Variants in DHX35 observed in about 807,000 individuals in gnomAD.
The protein encoded by DHX35 is DEAH-box helicase 35, also known as probable ATP-dependent RNA helicase DHX35.
In DHX35, 84 loss-of-function variants were observed where a neutral mutation model predicts 99.6. That is an observed-to-expected ratio of 0.84 (90% confidence interval 0.71 to 1.01). The LOEUF is 1.01. DHX35 is among the 50% of genes least tolerant of loss of function. DHX35 has a pLI of 0.00. For missense variants in DHX35, 852 were observed against 888.5 expected, an observed-to-expected ratio of 0.96 and a Z score of 0.52; for synonymous variants, 331 against 316.2, an observed-to-expected ratio of 1.05 and a Z score of -0.50.
intron 4 of DHX35, among the ~76,000 whole-genome samples, chr20:38,987,919 A>G (rs918315912): frequency 6.6e-6 from 1 of 152,164 alleles, no homozygotes; most frequent in African/African-American, 2.4e-5. Flanking sequence ...TGTTTCAGGT[A>G]TCTCATTCTT....
chr20:38,992,426 G>A lies in DHX35; in HGVS notation c.582+1G>A. On this transcript the variant is annotated splice_donor_variant, in intron 7 of 21. Coordinates refer to ENST00000252011, the MANE Select transcript of DHX35 (RefSeq NM_021931.4). LOFTEE classifies it high-confidence loss of function. ...CATTGCCATTGGCTTGCTAAAAAAG[G>A]TATGACTTCACTGCCAGCTTTTCAT... 1 of 1,613,902 alleles carries A rather than the reference G, an allele frequency of 6.2e-7. No homozygotes were observed. The highest frequency in any genetic ancestry group is 1.7e-5 in the Admixed American group (1 of 60,002).
chr20:39,034,379 G>A, intron 21 of DHX35, 62 bp downstream of exon 21: 1 of 1,425,726 alleles, frequency 7.0e-7, no homozygotes, highest in Non-Finnish European at 9.9e-7. Context: ...GTTTTTAAAT[G>A]TACTTTTTTT....
At chr20:39,001,436 A>G (rs1270503908) in intron 8 of DHX35, among the ~76,000 whole-genome samples, 2 of 152,216 alleles carry the variant, frequency 1.3e-5, no homozygotes, top group Non-Finnish European at 2.9e-5. Context: ...TATAAATAAT[A>G]CTAAAGCTAC....
chr20:38,963,183 T>A (rs2085861217), intron 1 of DHX35, among the ~76,000 whole-genome samples: 1 of 152,254 alleles, frequency 6.6e-6, no homozygotes, highest in East Asian at 1.9e-4. Context: ...AATGTGCATA[T>A]GCCAGACCGT....
chr20:38,997,155 C>G (rs576991456), intron 8 of DHX35, among the ~76,000 whole-genome samples: 1 of 152,214 alleles, frequency 6.6e-6, no homozygotes, highest in East Asian at 1.9e-4. Context: ...ACTGCAACCT[C>G]TGCTTCCCAG....
At chr20:38,986,038 A>C (rs1455864934) in intron 4 of DHX35, among the ~76,000 whole-genome samples, 1 of 152,230 alleles carries the variant, frequency 6.6e-6, no homozygotes, top group Admixed American at 6.5e-5. Context: ...CCTGTGATTC[A>C]GAATAAGCTC....
chr20:38,997,024 T>C (rs2086440453), intron 8 of DHX35, among the ~76,000 whole-genome samples: 1 of 152,046 alleles, frequency 6.6e-6, no homozygotes, highest in African/African-American at 2.4e-5. Context: ...AACTATAATG[T>C]CCAAGTCTTT....
intron 2 of DHX35, among the ~76,000 whole-genome samples, chr20:38,970,284 T>C (rs1201436381): frequency 1.3e-5 from 2 of 152,172 alleles, no homozygotes; most frequent in African/African-American, 4.8e-5. Context: ...CTTCTATTAA[T>C]GTGTTCTTTC....
Position 38,969,129 on chromosome 20 carries a change from C to T in DHX35, c.89C>T (p.Ala30Val). Reference sequence around the variant, plus strand: ...ATCTCTGAAGAGAGACAAAGTCTGGCTGAAAACTCTGGGACAACGGTTGTT... The same window carrying T: ...ATCTCTGAAGAGAGACAAAGTCTGGTTGAAAACTCTGGGACAACGGTTGTT... Reference protein sequence around the residue: ...VSISEERQSLAENSGTTVVYN... With the variant: ...VSISEERQSLVENSGTTVVYN... Residue 30 changes from alanine (A) to valine (V), a missense_variant, in exon 2 of 22, where the codon GCT (alanine) becomes GTT (valine). Coordinates refer to ENST00000252011, the MANE Select transcript of DHX35 (RefSeq NM_021931.4). The T allele has an allele frequency of 6.2e-7, 1 of 1,613,734 alleles. No homozygotes were observed. Among genetic ancestry groups the T allele is most frequent in the Non-Finnish European group, 8.5e-7 (1 of 1,179,726 alleles).
chr20:39,023,061 T>C (rs1008639871), intron 16 of DHX35, among the ~76,000 whole-genome samples: 1 of 152,244 alleles, frequency 6.6e-6, no homozygotes, highest in Non-Finnish European at 1.5e-5. Flanking sequence ...TGCTTATGTC[T>C]GTTTTTGTTT....
intron 14 of DHX35, 85 bp from the exon 15 acceptor site, chr20:39,018,719 C>T (rs2086825651): frequency 7.6e-7 from 1 of 1,308,140 alleles, no homozygotes; most frequent in Non-Finnish European, 1.1e-6. Flanking sequence ...TTTTAGCATA[C>T]ATTATCTTTT....
chr20:38,973,458 G>T (rs2086031693), intron 3 of DHX35, among the ~76,000 whole-genome samples: 1 of 152,142 alleles, frequency 6.6e-6, no homozygotes, highest in African/African-American at 2.4e-5. Flanking sequence ...CTTCTTCTGT[G>T]TTCTGTTCTC....
chr20:39,030,815 C>A, intron 20 of DHX35, 40 bp downstream of exon 20: 1 of 1,598,488 alleles, frequency 6.3e-7, no homozygotes, highest in South Asian at 1.1e-5. Context: ...CTGCTTTGAA[C>A]AGGGCCATGT....
intron 8 of DHX35, among the ~76,000 whole-genome samples, chr20:39,000,461 T>G (rs548527499): frequency 9.2e-5 from 14 of 152,312 alleles, no homozygotes; most frequent in African/African-American, 3.4e-4. Flanking sequence ...TGAAGGGAAT[T>G]TACCCAAAAG....
intron 20 of DHX35, among the ~76,000 whole-genome samples, chr20:39,031,793 G>A (rs564254009): frequency 9.2e-5 from 14 of 152,162 alleles, no homozygotes; most frequent in African/African-American, 2.9e-4. Context: ...TTCTGAACCT[G>A]GAAACAAGAG....
intron 2 of DHX35, among the ~76,000 whole-genome samples, chr20:38,972,175 A>G (rs139693948): frequency 0.012 from 1,805 of 151,876 alleles, 26 homozygotes; most frequent in Middle Eastern, 0.027. Flanking sequence ...GCGCCCAGCT[A>G]ATTTTTGTAT....
chr20:38,974,737 T>G (rs1001506526), intron 3 of DHX35, among the ~76,000 whole-genome samples: 31 of 152,218 alleles, frequency 2.0e-4, no homozygotes, highest in Non-Finnish European at 3.8e-4. Context: ...ACAAAGTCCA[T>G]GGAGCATCAA....
intron 11 of DHX35, among the ~76,000 whole-genome samples, chr20:39,004,768 G>A (rs1315576328): frequency 1.3e-5 from 2 of 152,192 alleles, no homozygotes; most frequent in African/African-American, 4.8e-5. Context: ...CACAGAACCA[G>A]CCCGAGGACA....
intron 11 of DHX35, among the ~76,000 whole-genome samples, chr20:39,005,552 CATT>C (rs2086602065): frequency 6.6e-6 from 1 of 152,166 alleles, no homozygotes; most frequent in African/African-American, 2.4e-5. Context: ...CATATTGCCT[CATT>C]GTGTTAATAT....
Sources: gnomAD v4.1 joint callset for allele counts (sites outside exome capture counted in the v4.1 genomes callset) on GRCh38, gnomAD v4.1.1 for gene constraint, MANE v1.5 for transcripts, NCBI Gene and HGNC (gene_info 2026-07-23, HGNC 2026-07-21) for gene names.